The following DLGAP1 variants were observed in gnomAD, a reference collection of about 807,000 sequenced individuals.
The protein encoded by DLGAP1 is DLG associated protein 1.
Under a neutral mutation model 90.8 loss-of-function variants are expected in DLGAP1, and 11 were observed. The ratio of observed to expected loss-of-function variants is 0.12; its 90% confidence interval spans 0.08 to 0.20. The LOEUF is 0.20. Ranked by LOEUF, DLGAP1 falls within the 10% of genes least tolerant of loss-of-function variation. The probability of loss-of-function intolerance (pLI) is 1.00; values close to 1 mark genes in which losing one functional copy is unlikely to be tolerated. For synonymous variants in DLGAP1, 558 were observed against 540.7 expected (o/e 1.03, Z -0.44); for missense variants, 1,050 against 1,333.8 (o/e 0.79, Z 3.31).
At chr18:4,074,332 C>T (rs1450123877) in intron 2 of DLGAP1, among the ~76,000 whole-genome samples, 2 of 151,986 alleles carry the variant, frequency 1.3e-5, no homozygotes, top group African/African-American at 4.8e-5. Flanking sequence ...TTTGATTATA[C>T]ATCATCTAAG....
intron 5 of DLGAP1, among the ~76,000 whole-genome samples, chr18:3,790,429 G>A (rs1001089168): frequency 1.1e-4 from 17 of 152,022 alleles, no homozygotes; most frequent in South Asian, 4.2e-4. Context: ...CACCATGACC[G>A]GCTAATTTTT....
At chr18:4,258,105 GTGCAGTGGCACGATCACAGCTCC>G (rs1390242003) in intron 1 of DLGAP1, among the ~76,000 whole-genome samples, 1 of 151,678 alleles carries the variant, frequency 6.6e-6, no homozygotes, top group Non-Finnish European at 1.5e-5. Flanking sequence ...CCAGGCTGGA[GTGCAGTGGCACGATCACAGCTCC>G]TGGACTCAAG....
chr18:4,328,794 C>T (rs4797162), intron 1 of DLGAP1, among the ~76,000 whole-genome samples: 3,645 of 151,944 alleles, frequency 0.024, 58 homozygotes, highest in Admixed American at 0.04. Flanking sequence ...TAATTACTAA[C>T]GATGTTGAGC....
At chr18:4,374,833 A>G (rs78798887) in intron 1 of DLGAP1, among the ~76,000 whole-genome samples, 1,832 of 152,274 alleles carry the variant, frequency 0.012, 18 homozygotes, top group African/African-American at 0.025. Context: ...AGGGAGTGAA[A>G]AAAATACTGT....
chr18:4,440,970 G>C (rs2083523233), intron 1 of DLGAP1, among the ~76,000 whole-genome samples: 2 of 152,190 alleles, frequency 1.3e-5, no homozygotes, highest in African/African-American at 4.8e-5. Flanking sequence ...ATAGACTGAA[G>C]GTTTTACTTT....
Position 4,433,967 on chromosome 18 carries a change from T to C in DLGAP1, c.-267+21039A>G, listed in dbSNP as rs556952559. On this transcript the variant is annotated intron_variant, in intron 1 of 12. Coordinates refer to ENST00000315677, the MANE Select transcript of DLGAP1 (RefSeq NM_004746.4). ...TTCACATCTGGTCACACACCCTACA[T>C]TCCAGCCATCACAAATTCCTCATGG... Among the ~76,000 whole-genome samples, 7 of 152,212 alleles carry C rather than the reference T, an allele frequency of 4.6e-5. No homozygotes were observed. In the East Asian group the frequency reaches 1.2e-3, roughly 25 times the overall value.
chr18:3,776,149 G>A (rs946804474), intron 5 of DLGAP1, among the ~76,000 whole-genome samples: 2 of 152,156 alleles, frequency 1.3e-5, no homozygotes, highest in South Asian at 2.1e-4. Flanking sequence ...TTCCGCATAC[G>A]GGATCACCAG....
rs907010401 is a variant in DLGAP1 at position 3,879,853 on chromosome 18, G to T, written c.216C>A (p.Arg72=). The T allele has an allele frequency of 6.8e-6, 11 of 1,609,988 alleles. No homozygotes were observed. The East Asian group carries it at 1.1e-4, about 16-fold the overall frequency. The change falls in exon 4 of 13, where the codon CGC becomes CGA. Residue 72 remains arginine, a synonymous_variant. Transcript: ENST00000315677. This position sits in a 1 kb window ranked among gnomAD's most constrained non-coding sequence, Gnocchi z 6.6. ...SDPLASSTFP[R]RHYTSQQELK... ...GCTCTTGCTGCGAGGTGTAGTGCCT[G>T]CGGGGGAAGGTGCTGCTGGCCAGCG...
chr18:3,691,311 C>T (rs1171604040), intron 7 of DLGAP1, among the ~76,000 whole-genome samples: 1 of 152,022 alleles, frequency 6.6e-6, no homozygotes, highest in South Asian at 2.1e-4. Flanking sequence ...ATCTGTAATC[C>T]TAGCTACTGG....
intron 5 of DLGAP1, among the ~76,000 whole-genome samples, chr18:3,794,597 CT>C (rs2065894446): frequency 6.6e-6 from 1 of 152,244 alleles, no homozygotes. Context: ...ACACTCGGGG[CT>C]TTTGTGTGGG....
intron 7 of DLGAP1, among the ~76,000 whole-genome samples, chr18:3,700,578 C>G (rs528727832): frequency 1.6e-4 from 24 of 151,822 alleles, no homozygotes; most frequent in Non-Finnish European, 3.2e-4. Context: ...AGCCATCTTG[C>G]CAGCCACCTA....
intron 1 of DLGAP1, chr18:4,293,460 C>T (rs1246181028): frequency 6.6e-6 from 1 of 152,190 alleles, no homozygotes; most frequent in Non-Finnish European, 1.5e-5. Context: ...TTAAACTGCA[C>T]TCCAAAACAA....
At chr18:4,192,188 T>C (rs1201695905) in intron 1 of DLGAP1, among the ~76,000 whole-genome samples, 3 of 152,216 alleles carry the variant, frequency 2.0e-5, no homozygotes, top group African/African-American at 4.8e-5. Flanking sequence ...TTTCTCATGA[T>C]ACCTCTCCTT....
intron 4 of DLGAP1, among the ~76,000 whole-genome samples, chr18:3,873,140 C>G (rs1469308496): frequency 6.6e-6 from 1 of 152,148 alleles, no homozygotes; most frequent in African/African-American, 2.4e-5. Context: ...CTGCTGCTTT[C>G]TCACAATGTT....
At chr18:3,948,521 T>C (rs980674675) in intron 3 of DLGAP1, among the ~76,000 whole-genome samples, 2 of 152,192 alleles carry the variant, frequency 1.3e-5, no homozygotes, top group Non-Finnish European at 2.9e-5. Context: ...TGTTGTCTTG[T>C]ACAGGGTAAG....
chr18:4,027,225 G>T (rs1373113249), intron 2 of DLGAP1, among the ~76,000 whole-genome samples: 1 of 151,978 alleles, frequency 6.6e-6, no homozygotes, highest in African/African-American at 2.4e-5. Flanking sequence ...AAATAATGTG[G>T]TCTGGTGTGG....
rs113284827 is a variant in DLGAP1, at chr18:3,617,451, T to G, written c.1592-35203A>C. On this transcript the variant is annotated intron_variant, in intron 7 of 12. Coordinates refer to ENST00000315677, the MANE Select transcript of DLGAP1 (RefSeq NM_004746.4). ...CCATCTCTAGTAAAAATATAAAAAATTAGCTGGGCGTGGTGGTGGGCGCCT... is the reference window on the plus strand; with the variant it reads ...CCATCTCTAGTAAAAATATAAAAAAGTAGCTGGGCGTGGTGGTGGGCGCCT... 4.0e-4 allele frequency among the ~76,000 whole-genome samples: 60 copies of G among 151,238 alleles called. 1 individual carries two copies. The highest frequency in any genetic ancestry group is 1.5e-3 in the African/African-American group (60 of 41,186).
At chr18:4,130,415 T>C (rs1455286932) in intron 2 of DLGAP1, among the ~76,000 whole-genome samples, 3 of 152,178 alleles carry the variant, frequency 2.0e-5, no homozygotes, top group Non-Finnish European at 4.4e-5. Context: ...ATCAGCAAAA[T>C]TGAGTGAAGA....
At chr18:4,287,735 T>C (rs1326718344) in intron 1 of DLGAP1, among the ~76,000 whole-genome samples, 1 of 152,004 alleles carries the variant, frequency 6.6e-6, no homozygotes, top group Non-Finnish European at 1.5e-5. Flanking sequence ...CTAATGCATG[T>C]GGGGCTTAAA....
Sources: allele counts gnomAD v4.1 joint callset (sites outside exome capture counted in the v4.1 genomes callset), GRCh38; gene constraint gnomAD v4.1.1; non-coding constraint Gnocchi (gnomAD v3.1); transcripts MANE v1.5; gene names NCBI Gene and HGNC (gene_info 2026-07-23, HGNC 2026-07-21).